Variants in CSMD1 observed in about 807,000 individuals in gnomAD.
CSMD1 encodes the protein CUB and sushi domain-containing protein 1.
A neutral mutation model predicts 417.5 loss-of-function variants in CSMD1; 213 were observed. That is an observed-to-expected ratio of 0.51 (90% CI 0.46 to 0.57). The LOEUF (loss-of-function observed/expected upper bound fraction) is 0.57, where lower values mean the gene tolerates loss of function less well. Ranked by LOEUF, CSMD1 falls within the 20% of genes least tolerant of loss-of-function variation. CSMD1 has a pLI of 0.00. For synonymous variants in CSMD1, 2,862 were observed against 1,736.8 expected, an observed-to-expected ratio of 1.65 and a Z score of -16.11; for missense variants, 6,923 against 4,529.7, an observed-to-expected ratio of 1.53 and a Z score of -15.17.
At chr8:4,817,241 A>G (rs1799261135) in intron 1 of CSMD1, among the ~76,000 whole-genome samples, 1 of 152,212 alleles carries the variant, frequency 6.6e-6, no homozygotes, top group African/African-American at 2.4e-5. Context: ...GCAGTTAGTG[A>G]AAAAATATGA....
intron 5 of CSMD1, among the ~76,000 whole-genome samples, chr8:3,805,367 G>A (rs1211798210): frequency 6.6e-6 from 1 of 152,062 alleles, no homozygotes; most frequent in East Asian, 1.9e-4. Context: ...TACAAAGAGA[G>A]GAGCCACAAG....
chr8:3,192,950 A>G lies in CSMD1; in HGVS notation c.5195-2835T>C, dbSNP rs1007956470. On this transcript the variant is annotated intron_variant, in intron 33 of 69. Coordinates refer to ENST00000635120, the MANE Select transcript of CSMD1 (RefSeq NM_033225.6). ...TAATGGCATGAAGAAAAAAAAAAAG[A>G]TATCCCATAGAGGCTTCCACAGTCA... Among the ~76,000 whole-genome samples the G allele has an allele frequency of 5.9e-5, 9 of 151,740 alleles. No homozygotes were observed. In the East Asian group the frequency reaches 1.7e-3, roughly 29 times the overall value.
At chr8:3,658,929 A>C (rs973880067) in intron 7 of CSMD1, among the ~76,000 whole-genome samples, 3 of 152,200 alleles carry the variant, frequency 2.0e-5, no homozygotes, top group Non-Finnish European at 2.9e-5. Context: ...TGACCTACCA[A>C]ATAATGCATA....
chr8:4,116,921 G>C (rs570303431), intron 3 of CSMD1, among the ~76,000 whole-genome samples: 184 of 152,198 alleles, frequency 1.2e-3, no homozygotes, highest in African/African-American at 4.3e-3. Context: ...CTCGAAATGT[G>C]TACCATCCTT....
chr8:4,564,755 T>C (rs1798511475), intron 2 of CSMD1, among the ~76,000 whole-genome samples: 1 of 152,210 alleles, frequency 6.6e-6, no homozygotes, highest in Admixed American at 6.5e-5. Context: ...TGGAGCATAA[T>C]GACTGTCATC....
At chr8:3,489,663 C>G (rs1239800056) in intron 11 of CSMD1, among the ~76,000 whole-genome samples, 1 of 152,138 alleles carries the variant, frequency 6.6e-6, no homozygotes, top group Non-Finnish European at 1.5e-5. Context: ...CAGAAGGAGT[C>G]CCTTCATGTT....
chr8:4,677,053 G>T (rs899943123), intron 1 of CSMD1, among the ~76,000 whole-genome samples: 1 of 142,180 alleles, frequency 7.0e-6, no homozygotes, highest in Non-Finnish European at 1.5e-5. Flanking sequence ...TATATATATA[G>T]AATTATATAT....
intron 2 of CSMD1, among the ~76,000 whole-genome samples, chr8:4,630,468 C>G (rs1353498423): frequency 2.6e-5 from 4 of 151,968 alleles, no homozygotes; most frequent in Admixed American, 2.0e-4. Context: ...CAAAACAAAA[C>G]AAAAACGAAA....
At chr8:3,959,306 G>C (rs1197792377) in intron 5 of CSMD1, among the ~76,000 whole-genome samples, 1 of 152,154 alleles carries the variant, frequency 6.6e-6, no homozygotes. Flanking sequence ...GGATCAGCCT[G>C]GGCAACATGG....
At chr8:4,073,115 G>C (rs975774599) in intron 3 of CSMD1, among the ~76,000 whole-genome samples, 1 of 152,058 alleles carries the variant, frequency 6.6e-6, no homozygotes, top group Non-Finnish European at 1.5e-5. Context: ...TTACCATCAT[G>C]ATTCTAGAAA....
chr8:4,392,752 G>T (rs1007939687), intron 3 of CSMD1, among the ~76,000 whole-genome samples: 2 of 151,406 alleles, frequency 1.3e-5, no homozygotes, highest in Non-Finnish European at 2.9e-5. Flanking sequence ...GGCGGATCAC[G>T]AGGTCAAGAG....
intron 2 of CSMD1, among the ~76,000 whole-genome samples, chr8:4,494,226 G>A (rs770554704): frequency 6.6e-6 from 1 of 152,134 alleles, no homozygotes; most frequent in East Asian, 1.9e-4. Context: ...ACCAAAAACA[G>A]ATTTCCATGT....
intron 2 of CSMD1, among the ~76,000 whole-genome samples, chr8:4,579,239 C>T (rs1024375247): frequency 4.0e-5 from 6 of 150,532 alleles, no homozygotes; most frequent in Non-Finnish European, 7.4e-5. Context: ...ATGCCAACGG[C>T]GAAGTTTAAA....
intron 49 of CSMD1, among the ~76,000 whole-genome samples, chr8:3,075,308 G>A (rs1404827008): frequency 4.5e-5 from 6 of 134,390 alleles, no homozygotes; most frequent in South Asian, 2.3e-4. Context: ...ATGGAGTTTC[G>A]CCCTGTCATC....
chr8:3,181,686 T>G (rs886731117), intron 36 of CSMD1, among the ~76,000 whole-genome samples: 1 of 152,192 alleles, frequency 6.6e-6, no homozygotes, highest in South Asian at 2.1e-4. Flanking sequence ...CCTATGTGAC[T>G]CATGCTTAGT....
intron 23 of CSMD1, among the ~76,000 whole-genome samples, chr8:3,323,101 T>G (rs1806261931): frequency 6.6e-6 from 1 of 152,196 alleles, no homozygotes; most frequent in Non-Finnish European, 1.5e-5. Flanking sequence ...TCATTTATCT[T>G]TCCACCTCTA....
chr8:4,199,741 C>T (rs191511228), intron 3 of CSMD1, among the ~76,000 whole-genome samples: 3 of 152,232 alleles, frequency 2.0e-5, no homozygotes, highest in African/African-American at 7.2e-5. Flanking sequence ...CTTTGATCCT[C>T]TTAAAATATT....
At chr8:3,951,472 G>T (rs1365714700) in intron 5 of CSMD1, among the ~76,000 whole-genome samples, 1 of 152,076 alleles carries the variant, frequency 6.6e-6, no homozygotes, top group African/African-American at 2.4e-5. Context: ...TCCGCTTGTG[G>T]GATTCCAACT....
intron 6 of CSMD1, among the ~76,000 whole-genome samples, chr8:3,749,800 T>G (rs1797240975): frequency 2.0e-5 from 3 of 152,114 alleles, no homozygotes; most frequent in Admixed American, 2.0e-4. Context: ...GTAGTTTCTC[T>G]CTTTCCATGT....
Sources: gnomAD v4.1 joint callset for allele counts (sites outside exome capture counted in the v4.1 genomes callset) on GRCh38, gnomAD v4.1.1 for gene constraint, MANE v1.5 for transcripts, NCBI Gene and HGNC (gene_info 2026-07-23, HGNC 2026-07-21) for gene names.